BSCL2: variants seen among roughly 807,000 people sequenced by gnomAD.
BSCL2 encodes seipin.
A neutral mutation model predicts 57.4 loss-of-function variants in BSCL2; 41 were observed. The ratio of observed to expected loss-of-function variants is 0.71; its 90% CI spans 0.56 to 0.93. BSCL2 has a LOEUF of 0.93. Ranked by LOEUF, BSCL2 falls within the 40% of genes least tolerant of loss-of-function variation. The pLI is 0.00. For missense variants in BSCL2, 539 were observed against 586.7 expected, an observed-to-expected ratio of 0.92 and a Z score of 0.84; for synonymous variants, 237 against 227.3, an observed-to-expected ratio of 1.04 and a Z score of -0.38.
chr11:62,699,976 C>A (rs908001661), intron 3 of BSCL2, among the ~76,000 whole-genome samples: 1 of 151,694 alleles, frequency 6.6e-6, no homozygotes, highest in Non-Finnish European at 1.5e-5. Context: ...GCCACCACAC[C>A]CGGTTATAAT....
intron 2 of BSCL2, 91 bp downstream of exon 2, chr11:62,705,210 T>C: frequency 2.2e-6 from 3 of 1,365,412 alleles, no homozygotes; most frequent in Non-Finnish European, 3.1e-6. Flanking sequence ...CAGTTTTCCT[T>C]ATCTGTAAAT....
chr11:62,708,184 G>A, upstream of BSCL2: 2 of 770,146 alleles, frequency 2.6e-6, no homozygotes, highest in Non-Finnish European at 2.4e-6. Flanking sequence ...AGGATAGGAG[G>A]GGAACAAAAT....
upstream of BSCL2, chr11:62,708,055 G>C (rs1297986919): frequency 1.1e-5 from 6 of 556,702 alleles, no homozygotes; most frequent in African/African-American, 1.1e-4. Flanking sequence ...TAAATCATTT[G>C]TGTAAGGTTT....
intron 3 of BSCL2, among the ~76,000 whole-genome samples, chr11:62,699,386 C>T (rs930826692): frequency 4.6e-5 from 7 of 151,376 alleles, no homozygotes; most frequent in Non-Finnish European, 7.4e-5. Flanking sequence ...TTAGTAGAGA[C>T]GGGGTTTCAC....
rs1357818873 is a variant in BSCL2, at chr11:62,692,651, C to A, written c.765+12G>T. On this transcript the variant is annotated intron_variant, in intron 5 of 10. Coordinates refer to ENST00000360796, the MANE Select transcript of BSCL2 (RefSeq NM_001122955.4). ...CTATCTCCTAGTCATAAAGCTCGTT[C>A]ACCTCACTCACCGAGTTCTCTCTAT... 1 of 1,613,846 alleles carries A rather than the reference C, an allele frequency of 6.2e-7. No individual in the cohort carries two copies. The highest frequency in any genetic ancestry group is 8.5e-7 in the Non-Finnish European group (1 of 1,180,048).
upstream of BSCL2, chr11:62,708,716 T>C: frequency 6.2e-7 from 1 of 1,614,104 alleles, no homozygotes; most frequent in East Asian, 2.2e-5. Flanking sequence ...CTTACTGTGA[T>C]GCCCACGCCT....
At chr11:62,696,985 C>A (rs1945488479) in intron 3 of BSCL2, among the ~76,000 whole-genome samples, 1 of 151,548 alleles carries the variant, frequency 6.6e-6, no homozygotes, top group Admixed American at 6.6e-5. Context: ...CTACAATGAG[C>A]TATGATTGGG....
chr11:62,692,081 C>T (rs1945327446), intron 6 of BSCL2, among the ~76,000 whole-genome samples: 1 of 149,438 alleles, frequency 6.7e-6, no homozygotes, highest in African/African-American at 2.5e-5. Flanking sequence ...ATTCTGCTCA[C>T]TTGGGTGGAG....
Position 62,691,161 on chromosome 11 carries a change from G to A in BSCL2, c.1006-20C>T, listed in dbSNP as rs745611044. On this transcript the variant is annotated intron_variant, in intron 7 of 10. Transcript: ENST00000360796. ...GTTAACCTGTGGAGGAAAAACTACT[G>A]AGCAGCCAGGACTGACTTCCCTCAC... The A allele has an allele frequency of 6.2e-6, 10 of 1,614,104 alleles. No homozygotes were observed. Among genetic ancestry groups the A allele is most frequent in the Admixed American group, 1.7e-5 (1 of 60,012 alleles).
At chr11:62,706,258 C>G (rs914327881) in intron 1 of BSCL2, 1 of 1,098,412 alleles carries the variant, frequency 9.1e-7, no homozygotes, top group African/African-American at 1.7e-5. Flanking sequence ...TGCCGACTCA[C>G]CAGCCTCGCG....
At chr11:62,709,164 G>A, upstream of BSCL2, 2 of 467,524 alleles carry the variant, frequency 4.3e-6, no homozygotes, top group South Asian at 1.5e-5. Flanking sequence ...TACTGGGAGG[G>A]TAAAGCCATT....
chr11:62,706,297 T>G (rs1449842704), intron 1 of BSCL2: 3 of 1,115,574 alleles, frequency 2.7e-6, no homozygotes, highest in African/African-American at 3.5e-5. Context: ...GAGACGGGAC[T>G]TCCGGCTCCC....
intron 4 of BSCL2, 58 bp from the exon 5 acceptor site, chr11:62,692,855 T>G (rs1186558502): frequency 6.2e-7 from 1 of 1,606,680 alleles, no homozygotes; most frequent in Non-Finnish European, 8.5e-7. Flanking sequence ...CCCATGACCC[T>G]ACCTACCCCT....
intron 6 of BSCL2, 55 bp downstream of exon 6, chr11:62,692,321 G>T: frequency 6.4e-7 from 1 of 1,567,698 alleles, no homozygotes; most frequent in Admixed American, 1.7e-5. Context: ...CCCTCTTGGT[G>T]GAAGGTTAGC....
chr11:62,695,856 T>C (rs1344948023), intron 3 of BSCL2, among the ~76,000 whole-genome samples: 1 of 151,900 alleles, frequency 6.6e-6, no homozygotes, highest in African/African-American at 2.4e-5. Context: ...GGGGCCTTTT[T>C]TTGTACCTTC....
chr11:62,708,726 T>C, upstream of BSCL2: 1 of 1,614,010 alleles, frequency 6.2e-7, no homozygotes, highest in African/African-American at 1.3e-5. Flanking sequence ...TGCCCACGCC[T>C]GTGAGGATCC....
intron 4 of BSCL2, among the ~76,000 whole-genome samples, chr11:62,694,022 C>G (rs1945379119): frequency 6.6e-6 from 1 of 151,292 alleles, no homozygotes; most frequent in African/African-American, 2.4e-5. Flanking sequence ...CCATGTTGGT[C>G]AGGCTGGTCT....
chr11:62,709,490 G>A (rs978015806), upstream of BSCL2: 4 of 453,948 alleles, frequency 8.8e-6, no homozygotes, highest in Admixed American at 9.4e-5. Context: ...CGGGAGTGCA[G>A]TCGTACAGCA....
chr11:62,705,658 C>G, intron 1 of BSCL2, 41 bp from the exon 2 acceptor site: 1 of 1,463,768 alleles, frequency 6.8e-7, no homozygotes. Context: ...CTCCTTTCCC[C>G]AGGGAGGTGG....
Sources: allele counts gnomAD v4.1 joint callset (sites outside exome capture counted in the v4.1 genomes callset), GRCh38; gene constraint gnomAD v4.1.1; transcripts MANE v1.5; gene names NCBI Gene and HGNC (gene_info 2026-07-23, HGNC 2026-07-21).